C12orf42: variants seen among roughly 807,000 people sequenced by gnomAD.
C12orf42 encodes the protein chromosome 12 open reading frame 42.
Under a neutral mutation model 21.6 loss-of-function variants are expected in C12orf42, and 25 were observed. The ratio of observed to expected loss-of-function variants is 1.16; its 90% CI spans 0.84 to 1.62. The LOEUF (loss-of-function observed/expected upper bound fraction) is 1.62. C12orf42 is among the 40% of genes most tolerant of loss of function. The probability of loss-of-function intolerance (pLI) is 0.00; values close to 1 mark genes in which losing one functional copy is unlikely to be tolerated. For missense variants in C12orf42, 483 were observed against 459.3 expected (o/e 1.05, Z -0.47); for synonymous variants, 174 against 175.0 (o/e 0.99, Z 0.05).
intron 2 of C12orf42, among the ~76,000 whole-genome samples, chr12:103,433,954 A>C (rs1201899180): frequency 6.6e-6 from 1 of 152,240 alleles, no homozygotes; most frequent in African/African-American, 2.4e-5. Context: ...TTGTGAATAA[A>C]ATGGCATGAT....
chr12:103,270,914 G>T (rs2035437525), intron 5 of C12orf42, among the ~76,000 whole-genome samples: 1 of 152,028 alleles, frequency 6.6e-6, no homozygotes, highest in Non-Finnish European at 1.5e-5. Flanking sequence ...CTTCAGTTAT[G>T]ATAATATCAG....
chr12:103,065,458 A>T, the C12orf42 span, among the ~76,000 whole-genome samples: 2 of 152,138 alleles, frequency 1.3e-5, no homozygotes, highest in African/African-American at 4.8e-5. Context: ...TTACTGTCCT[A>T]CCTCAGGGGT....
chr12:103,106,679 G>A, the C12orf42 span, among the ~76,000 whole-genome samples: 2 of 151,506 alleles, frequency 1.3e-5, no homozygotes, highest in African/African-American at 2.4e-5. Flanking sequence ...GGAAAAGAAG[G>A]AATCGTCTCA....
At chr12:103,141,538 T>TG in the C12orf42 span, among the ~76,000 whole-genome samples, 576 of 133,502 alleles carry the variant, frequency 4.3e-3, 5 homozygotes, top group Middle Eastern at 0.014. Context: ...ACTTTTTTTT[T>TG]TTTTTTTTGA....
the C12orf42 span, among the ~76,000 whole-genome samples, chr12:103,146,691 T>C: frequency 6.6e-6 from 1 of 152,186 alleles, no homozygotes; most frequent in Non-Finnish European, 1.5e-5. Flanking sequence ...AGAAAATGTG[T>C]GCATTACAGT....
chr12:103,173,189 C>G, the C12orf42 span, among the ~76,000 whole-genome samples: 1 of 152,092 alleles, frequency 6.6e-6, no homozygotes, highest in Non-Finnish European at 1.5e-5. Context: ...TTGCTGGCAT[C>G]TATATAGCCT....
At chr12:103,479,982 C>T (rs1954350552) in intron 1 of C12orf42, among the ~76,000 whole-genome samples, 1 of 151,872 alleles carries the variant, frequency 6.6e-6, no homozygotes, top group Non-Finnish European at 1.5e-5. Context: ...TTCTCTTTTT[C>T]TAACCACTGA....
chr12:103,555,133 C>G, the C12orf42 span, among the ~76,000 whole-genome samples: 1 of 152,130 alleles, frequency 6.6e-6, no homozygotes, highest in African/African-American at 2.4e-5. Context: ...GTCCCACCCT[C>G]AGAGATTCTG....
chr12:103,329,087 A>G (rs574765798), intron 4 of C12orf42, among the ~76,000 whole-genome samples: 48 of 151,228 alleles, frequency 3.2e-4, no homozygotes, highest in African/African-American at 1.1e-3. Context: ...TATGGCAGGG[A>G]CGCAGGCATG....
chr12:103,070,649 T>C, the C12orf42 span, among the ~76,000 whole-genome samples: 1 of 152,084 alleles, frequency 6.6e-6, no homozygotes, highest in Non-Finnish European at 1.5e-5. Flanking sequence ...CAAATTGTTC[T>C]ATGTGCCAAG....
At position 103,378,952 on chromosome 12, in the gene C12orf42, T is replaced by C. The variant is rs976633601; in HGVS notation, c.148-9954A>G. 6.6e-5 allele frequency among the ~76,000 whole-genome samples: 10 copies of C among 152,092 alleles called. No individual in the cohort carries two copies. In the East Asian group the frequency reaches 1.7e-3, roughly 26 times the overall value. On this transcript the variant is annotated intron_variant, in intron 3 of 5. Transcript: ENST00000548883. The stretch of plus-strand genomic sequence containing the variant: ...ATAATGTTTGCAAATGAAGAAAAGA[T>C]AGGGTTTTAAAAAAATTAAACAGTG...
chr12:103,455,196 T>C (rs556464988), intron 2 of C12orf42, among the ~76,000 whole-genome samples: 8 of 152,242 alleles, frequency 5.3e-5, no homozygotes, highest in African/African-American at 1.7e-4. Flanking sequence ...AGAGAGTCAA[T>C]GTAAAAGGAA....
At chr12:103,384,809 T>G (rs2046470064) in intron 3 of C12orf42, among the ~76,000 whole-genome samples, 1 of 152,096 alleles carries the variant, frequency 6.6e-6, no homozygotes, top group Non-Finnish European at 1.5e-5. Flanking sequence ...TTCAAACAAT[T>G]AGAGCCTCAG....
At chr12:103,419,177 T>TA (rs2049637309) in intron 2 of C12orf42, among the ~76,000 whole-genome samples, 2 of 152,062 alleles carry the variant, frequency 1.3e-5, no homozygotes, top group South Asian at 4.2e-4. Flanking sequence ...GATGGCAGGC[T>TA]AAAGAGGAAA....
At chr12:103,520,460 C>T in the C12orf42 span, among the ~76,000 whole-genome samples, 836 of 152,110 alleles carry the variant, frequency 5.5e-3, 6 homozygotes, top group Middle Eastern at 0.017. Flanking sequence ...AGTCCCAAGT[C>T]AGAGGATGGC....
chr12:103,354,103 A>G (rs1025942628), intron 4 of C12orf42, among the ~76,000 whole-genome samples: 1 of 152,174 alleles, frequency 6.6e-6, no homozygotes, highest in Non-Finnish European at 1.5e-5. Flanking sequence ...AGGAGAAGCA[A>G]CAATGAGTCA....
the C12orf42 span, among the ~76,000 whole-genome samples, chr12:103,521,481 G>T: frequency 6.6e-6 from 1 of 152,104 alleles, no homozygotes; most frequent in Admixed American, 6.5e-5. Flanking sequence ...GCTGAACAAG[G>T]AGAATACATG....
At chr12:103,140,601 G>A in the C12orf42 span, among the ~76,000 whole-genome samples, 248 of 152,286 alleles carry the variant, frequency 1.6e-3, 1 homozygote, top group South Asian at 0.012. Context: ...AACAGGGAGG[G>A]GGAGAGCAAA....
At chr12:103,355,805 A>G (rs920979854) in intron 4 of C12orf42, among the ~76,000 whole-genome samples, 1 of 152,000 alleles carries the variant, frequency 6.6e-6, no homozygotes, top group Non-Finnish European at 1.5e-5. Context: ...TACATTTCTT[A>G]ATTGTCCTCC....
Sources: allele counts gnomAD v4.1 joint callset (sites outside exome capture counted in the v4.1 genomes callset), GRCh38; gene constraint gnomAD v4.1.1; transcripts MANE v1.5; gene names NCBI Gene and HGNC (gene_info 2026-07-23, HGNC 2026-07-21).